The following OTULIN variants were observed in gnomAD, a reference collection of about 807,000 sequenced individuals.
The protein encoded by OTULIN is OTU deubiquitinase with linear linkage specificity.
OTULIN carries 15 observed loss-of-function variants against 39.6 expected under a neutral mutation model. That is an observed-to-expected ratio of 0.38 (90% confidence interval 0.25 to 0.58). The LOEUF (loss-of-function observed/expected upper bound fraction) is 0.58. Ranked by LOEUF, OTULIN falls within the 20% of genes least tolerant of loss-of-function variation. The probability of loss-of-function intolerance (pLI) is 0.66; values close to 1 mark genes in which losing one functional copy is unlikely to be tolerated. For synonymous variants in OTULIN, 156 were observed against 170.3 expected (o/e 0.92, Z 0.65); for missense variants, 319 against 445.9 (o/e 0.72, Z 2.56).
At chr5:14,681,760 A>C in intron 4 of OTULIN, 153 bp downstream of exon 4, 1 of 869,252 alleles carries the variant, frequency 1.2e-6, no homozygotes, top group African/African-American at 1.7e-5. Context: ...GTGATTTCAC[A>C]TAGTTAAATG....
At chr5:14,709,801 A>C in the OTULIN span, 1 of 152,678 alleles carries the variant, frequency 6.5e-6, no homozygotes, top group East Asian at 1.9e-4. Flanking sequence ...TGTTGAGCAC[A>C]CAAGCAATCA....
chr5:14,669,786 A>T (rs1735937402), intron 1 of OTULIN, among the ~76,000 whole-genome samples: 2 of 152,138 alleles, frequency 1.3e-5, no homozygotes, highest in African/African-American at 4.8e-5. Flanking sequence ...ACGTATATAT[A>T]ATTTTTTAAA....
In OTULIN at chr5:14,695,367, A is replaced by G. The variant is rs1030475693; in HGVS notation, c.*2319A>G. 5 of 152,216 alleles carry G rather than the reference A, an allele frequency of 3.3e-5. No homozygotes were observed. The highest frequency in any genetic ancestry group is 2.4e-5 in the African/African-American group (1 of 41,464). 9.4% of individuals were successfully genotyped at this position (152,216 alleles called of 1,614,324 possible). A position where few individuals can be genotyped will look rare whatever the true frequency, so the allele number is the denominator to read the frequency against. On this transcript the variant is annotated 3_prime_UTR_variant, in exon 7 of 7. Transcript: ENST00000284274. ...TGGTCAGGTGACATCAGCAGATTAG[A>G]AGTTGAATGGAGATTAAGTGGATTC...
At chr5:14,691,569 A>C (rs1561002605) in intron 6 of OTULIN, among the ~76,000 whole-genome samples, 1 of 151,814 alleles carries the variant, frequency 6.6e-6, no homozygotes, top group Non-Finnish European at 1.5e-5. Context: ...CCGAGACCCT[A>C]TAAGGTCTGC....
At chr5:14,665,367 G>A (rs1418516340) in intron 1 of OTULIN, among the ~76,000 whole-genome samples, 1 of 152,208 alleles carries the variant, frequency 6.6e-6, no homozygotes, top group African/African-American at 2.4e-5. Flanking sequence ...GCCGGAGAAC[G>A]GCGCTGCGCG....
the OTULIN span, chr5:14,711,145 C>G: frequency 7.0e-7 from 1 of 1,435,580 alleles, no homozygotes; most frequent in Non-Finnish European, 9.8e-7. Flanking sequence ...GAGATGATGC[C>G]GAAGTGTCAT....
chr5:14,684,527 T>C (rs572562543), intron 4 of OTULIN, among the ~76,000 whole-genome samples: 35 of 152,332 alleles, frequency 2.3e-4, no homozygotes, highest in Admixed American at 2.2e-3. Flanking sequence ...TGTGGATGCC[T>C]TTCCATTCCT....
Position 14,696,317 on chromosome 5 carries a change from T to C in OTULIN, c.*3269T>C, listed in dbSNP as rs1662696639. ...CTTCAGATACTAAAGTACAGTTGGA[T>C]CATTTTCTTATCTCCTTTTCTTAAG... On this transcript the variant is annotated 3_prime_UTR_variant, in exon 7 of 7. Transcript: ENST00000284274. 1 of 152,230 alleles carries C rather than the reference T, an allele frequency of 6.6e-6. No homozygotes were observed. Among genetic ancestry groups the C allele is most frequent in the African/African-American group, 2.4e-5 (1 of 41,458 alleles). 9.4% of individuals were successfully genotyped at this position (152,230 alleles called of 1,614,324 possible).
chr5:14,712,970 C>T, the OTULIN span: 5 of 1,612,580 alleles, frequency 3.1e-6, no homozygotes, highest in Non-Finnish European at 3.4e-6. Flanking sequence ...TCGCACCGTG[C>T]ACCCTGCAGA....
the OTULIN span, chr5:14,710,528 C>T: frequency 4.5e-5 from 7 of 154,990 alleles, no homozygotes; most frequent in African/African-American, 4.8e-5. Context: ...TTGCTGCCCC[C>T]GGGGCATTTC....
intron 2 of OTULIN, among the ~76,000 whole-genome samples, chr5:14,674,826 AATG>A (rs1243659297): frequency 3.9e-5 from 6 of 152,222 alleles, no homozygotes; most frequent in African/African-American, 1.4e-4. Flanking sequence ...GCCACTTTTA[AATG>A]ATGATACCAG....
At chr5:14,701,922 C>T (rs984781535), downstream of OTULIN, among the ~76,000 whole-genome samples, 8 of 152,192 alleles carry the variant, frequency 5.3e-5, no homozygotes, top group African/African-American at 1.9e-4. Flanking sequence ...AACCATATCC[C>T]AGGCTGCTGA....
the OTULIN span, among the ~76,000 whole-genome samples, chr5:14,712,180 A>G: frequency 1.3e-5 from 2 of 152,198 alleles, no homozygotes; most frequent in Non-Finnish European, 2.9e-5. Context: ...GGGAAGCCCA[A>G]CCGCAGGGGA....
chr5:14,713,642 C>T, the OTULIN span: 5 of 1,614,170 alleles, frequency 3.1e-6, no homozygotes, highest in Non-Finnish European at 3.4e-6. This position sits in a 1 kb window ranked among gnomAD's most constrained non-coding sequence, Gnocchi z 4.4. Context: ...TCATCAGCCA[C>T]CCGGTGAGAT....
chr5:14,673,517 A>G (rs985680568), intron 1 of OTULIN, 125 bp from the exon 2 acceptor site: 13 of 565,642 alleles, frequency 2.3e-5, no homozygotes, highest in Non-Finnish European at 3.6e-5. Context: ...TTATTAGATT[A>G]TCATCATGTA....
intron 2 of OTULIN, among the ~76,000 whole-genome samples, chr5:14,678,439 A>G (rs1736160284): frequency 6.6e-6 from 1 of 152,230 alleles, no homozygotes; most frequent in African/African-American, 2.4e-5. Flanking sequence ...CATCCTGGCT[A>G]GCTATCATGT....
chr5:14,697,066 T>C lies in OTULIN; in HGVS notation c.*4018T>C, dbSNP rs897433758. On this transcript the variant is annotated 3_prime_UTR_variant, in exon 7 of 7. Transcript: ENST00000284274. Reference sequence around the variant, plus strand: ...GGAGGGGTGTGTGTGTGTGTGTGCATGTGTGTATATGCGTGTTGGTCTGCA... The same window carrying C: ...GGAGGGGTGTGTGTGTGTGTGTGCACGTGTGTATATGCGTGTTGGTCTGCA... 2 of 152,148 alleles carry C rather than the reference T, an allele frequency of 1.3e-5. No individual in the cohort carries two copies. The highest frequency in any genetic ancestry group is 4.8e-5 in the African/African-American group (2 of 41,402). The allele number at this position is 152,148 out of a possible 1,614,324, so 9.4% of individuals were successfully genotyped here.
intron 4 of OTULIN, among the ~76,000 whole-genome samples, chr5:14,683,163 T>C (rs1184525529): frequency 1.3e-5 from 2 of 152,078 alleles, no homozygotes; most frequent in African/African-American, 4.8e-5. Context: ...CCTGTAGTGT[T>C]AGCTACTCAG....
chr5:14,708,229 C>G, the OTULIN span: 1 of 152,224 alleles, frequency 6.6e-6, no homozygotes, highest in Non-Finnish European at 1.5e-5. Flanking sequence ...AAAACCCTTA[C>G]TATTTCCTAT....
Sources: gnomAD v4.1 joint callset for allele counts (sites outside exome capture counted in the v4.1 genomes callset) on GRCh38, gnomAD v4.1.1 for gene constraint, Gnocchi (gnomAD v3.1) non-coding constraint, MANE v1.5 for transcripts, NCBI Gene and HGNC (gene_info 2026-07-23, HGNC 2026-07-21) for gene names.